BLTP2: variants seen among roughly 807,000 people sequenced by gnomAD.
BLTP2 encodes the protein bridge-like lipid transfer protein family member 2.
chr17:28,616,489 G>C, the BLTP2 span: 2 of 1,614,106 alleles, frequency 1.2e-6, no homozygotes, highest in Non-Finnish European at 1.7e-6. The surrounding 1 kb of genome is among the most constrained non-coding windows in gnomAD (Gnocchi z 4.8). Context: ...ATCAGCTGCC[G>C]AGGCTTCACC....
the BLTP2 span, chr17:28,618,654 G>GTTAATATTAATGATACTATCA: frequency 4.7e-6 from 3 of 644,848 alleles, no homozygotes; most frequent in Non-Finnish European, 7.9e-6. Context: ...TAATGAGCTC[G>GTTAATATTAATGATACTATCA]TTAATATTAA....
chr17:28,618,180 G>A, the BLTP2 span, among the ~76,000 whole-genome samples: 1 of 152,028 alleles, frequency 6.6e-6, no homozygotes, highest in Non-Finnish European at 1.5e-5. Flanking sequence ...TGATGCACCT[G>A]CCTCGGCCTT....
At chr17:28,625,222 G>A in the BLTP2 span, among the ~76,000 whole-genome samples, 1 of 150,106 alleles carries the variant, frequency 6.7e-6, no homozygotes, top group Non-Finnish European at 1.5e-5. Context: ...TGTAATCCCA[G>A]CTACTTGGGA....
chr17:28,634,539 C>CA, the BLTP2 span: 1 of 1,613,758 alleles, frequency 6.2e-7, no homozygotes, highest in Admixed American at 1.7e-5. Flanking sequence ...TGACATTGCA[C>CA]TTGAGCATTC....
chr17:28,621,262 A>G, the BLTP2 span: 47 of 1,459,966 alleles, frequency 3.2e-5, no homozygotes, highest in Non-Finnish European at 3.8e-6. Context: ...CTCCAGAAAC[A>G]CTGCTTTCAA....
At chr17:28,636,344 AG>A in the BLTP2 span, among the ~76,000 whole-genome samples, 1 of 152,228 alleles carries the variant, frequency 6.6e-6, no homozygotes, top group Non-Finnish European at 1.5e-5. Flanking sequence ...GATACTGGAA[AG>A]CCTCTCAAAA....
the BLTP2 span, chr17:28,645,132 C>T: frequency 3.3e-5 from 41 of 1,259,988 alleles, no homozygotes; most frequent in South Asian, 3.9e-5. Flanking sequence ...CGCAGCACCG[C>T]CGCGGGCCGA....
the BLTP2 span, chr17:28,644,032 C>T: frequency 6.2e-7 from 1 of 1,612,798 alleles, no homozygotes; most frequent in South Asian, 1.1e-5. Context: ...ACCCTACACA[C>T]ATATCCAGAG....
the BLTP2 span, among the ~76,000 whole-genome samples, chr17:28,632,571 G>C: frequency 3.3e-5 from 5 of 152,042 alleles, no homozygotes; most frequent in Non-Finnish European, 7.4e-5. Flanking sequence ...AGTGGTCCAA[G>C]GGAGCTCACT....
the BLTP2 span, among the ~76,000 whole-genome samples, chr17:28,623,024 G>C: frequency 6.6e-6 from 1 of 152,128 alleles, no homozygotes; most frequent in Non-Finnish European, 1.5e-5. Context: ...GCAGTGAGCT[G>C]AGTTCGCGCC....
At chr17:28,614,918 C>T in the BLTP2 span, 749 of 728,088 alleles carry the variant, frequency 1.0e-3, 1 homozygote, top group Non-Finnish European at 1.5e-3. Flanking sequence ...TGCCCTGCAG[C>T]GAACAGACCA....
chr17:28,645,115 G>T, the BLTP2 span: 9 of 1,495,168 alleles, frequency 6.0e-6, no homozygotes, highest in African/African-American at 1.1e-4. Context: ...CCCCGACGCC[G>T]GATCCGCGCA....
chr17:28,631,412 C>G, the BLTP2 span: 1 of 1,421,390 alleles, frequency 7.0e-7, no homozygotes, highest in Non-Finnish European at 9.8e-7. Context: ...TTTGTTATGG[C>G]AGCCCAAGTA....
At chr17:28,620,270 C>T in the BLTP2 span, among the ~76,000 whole-genome samples, 1 of 152,110 alleles carries the variant, frequency 6.6e-6, no homozygotes, top group East Asian at 1.9e-4. Context: ...GTCTAGGTGA[C>T]TGAGTAGAGA....
chr17:28,634,850 C>T, the BLTP2 span: 1 of 1,613,872 alleles, frequency 6.2e-7, no homozygotes, highest in African/African-American at 1.3e-5. Flanking sequence ...GCCACTTTAG[C>T]ATCCAGTAGC....
chr17:28,619,025 G>C, the BLTP2 span: 1 of 1,472,876 alleles, frequency 6.8e-7, no homozygotes, highest in Admixed American at 1.7e-5. Flanking sequence ...CATGGGTTGG[G>C]GGTGGGATAG....
At chr17:28,640,937 T>A in the BLTP2 span, among the ~76,000 whole-genome samples, 1 of 152,346 alleles carries the variant, frequency 6.6e-6, no homozygotes, top group Non-Finnish European at 1.5e-5. Context: ...GGCCAAATAA[T>A]TTAAACATCA....
the BLTP2 span, chr17:28,643,676 G>A: frequency 1.2e-6 from 2 of 1,613,382 alleles, no homozygotes; most frequent in African/African-American, 1.3e-5. Flanking sequence ...CAGTGAGGGA[G>A]AAAGCTCTGT....
the BLTP2 span, among the ~76,000 whole-genome samples, chr17:28,629,433 G>A: frequency 6.6e-5 from 10 of 151,532 alleles, no homozygotes; most frequent in Non-Finnish European, 1.3e-4. Flanking sequence ...GGGGATTACA[G>A]GTATGTGCTA....
Sources: allele counts gnomAD v4.1 joint callset (sites outside exome capture counted in the v4.1 genomes callset), GRCh38; gene constraint gnomAD v4.1.1; non-coding constraint Gnocchi (gnomAD v3.1); transcripts MANE v1.5; gene names NCBI Gene and HGNC (gene_info 2026-07-23, HGNC 2026-07-21).